ACVR2B: variants seen among roughly 807,000 people sequenced by gnomAD.
The protein encoded by ACVR2B is activin A receptor type 2B.
Under a neutral mutation model 65.1 loss-of-function variants are expected in ACVR2B, and 18 were observed. The ratio of observed to expected loss-of-function variants is 0.28; its 90% confidence interval spans 0.19 to 0.41. ACVR2B has a LOEUF of 0.41. Among genes scored for constraint, ACVR2B ranks in the 10% least tolerant of loss-of-function variants. ACVR2B has a pLI of 1.00. For missense variants in ACVR2B, 482 were observed against 682.7 expected (o/e 0.71, Z 3.28); for synonymous variants, 298 against 277.7 (o/e 1.07, Z -0.73).
At chr3:38,461,424 C>T (rs190791017) in intron 1 of ACVR2B, among the ~76,000 whole-genome samples, 4 of 152,292 alleles carry the variant, frequency 2.6e-5, no homozygotes, top group Admixed American at 6.5e-5. Flanking sequence ...AATCAAGGCT[C>T]ATCTGCTCTG....
chr3:38,463,563 T>C (rs1012631708), intron 1 of ACVR2B, among the ~76,000 whole-genome samples: 5 of 152,170 alleles, frequency 3.3e-5, no homozygotes, highest in African/African-American at 1.2e-4. Flanking sequence ...TCACCAAAGC[T>C]GTTGCTTCCC....
intron 1 of ACVR2B, among the ~76,000 whole-genome samples, chr3:38,463,613 T>C (rs1283978422): frequency 6.6e-6 from 1 of 152,208 alleles, no homozygotes; most frequent in Non-Finnish European, 1.5e-5. Flanking sequence ...TTTACTGTTA[T>C]GTTGGGATTC....
At chr3:38,461,133 C>T (rs959513277) in intron 1 of ACVR2B, among the ~76,000 whole-genome samples, 4 of 152,174 alleles carry the variant, frequency 2.6e-5, no homozygotes, top group Non-Finnish European at 1.5e-5. Flanking sequence ...TGCAGTGGCG[C>T]ACAGTGTTTT....
intron 1 of ACVR2B, among the ~76,000 whole-genome samples, chr3:38,461,857 A>G (rs770684456): frequency 3.3e-5 from 5 of 152,186 alleles, no homozygotes; most frequent in Non-Finnish European, 5.9e-5. Flanking sequence ...GTATTCTTCC[A>G]GACATTTTTA....
At chr3:38,458,498 G>C (rs1330112537) in intron 1 of ACVR2B, among the ~76,000 whole-genome samples, 2 of 152,184 alleles carry the variant, frequency 1.3e-5, no homozygotes, top group African/African-American at 4.8e-5. Context: ...TGTTCTGCGG[G>C]GGAGGGGTGC....
rs1356839655 is a variant in ACVR2B, at chr3:38,491,040, C to G, written c.*7708C>G. The stretch of plus-strand genomic sequence containing the variant: ...CAGTCGCTAATGCTCAAATGTAGAA[C>G]ATTCCTTTAAATGGCAGGATAAAAA... On this transcript the variant is annotated 3_prime_UTR_variant, in exon 11 of 11. Transcript: ENST00000352511. The G allele has an allele frequency of 6.6e-6, 1 of 151,072 alleles. No homozygotes were observed. The highest frequency in any genetic ancestry group is 1.5e-5 in the Non-Finnish European group (1 of 68,052). 9.4% of individuals were successfully genotyped at this position (151,072 alleles called of 1,614,324 possible).
intron 5 of ACVR2B, among the ~76,000 whole-genome samples, chr3:38,478,911 A>G (rs1709963258): frequency 1.3e-5 from 2 of 151,072 alleles, no homozygotes; most frequent in African/African-American, 2.4e-5. Flanking sequence ...AAGTGATCTC[A>G]GGGATCACTG....
rs560616298 is a variant in ACVR2B, at chr3:38,482,708, G to A, written c.1344+148G>A. ...TCTAGGGATGTGTTCCAGGGGTTAT[G>A]GGGAGTGAGGTAGGATGATGTCCTT... On this transcript the variant is annotated intron_variant, in intron 10 of 10. Transcript: ENST00000352511. The A allele has an allele frequency of 3.5e-5, 42 of 1,192,076 alleles. No homozygotes were observed. In the South Asian group the frequency reaches 5.7e-4, roughly 16 times the overall value. 73.8% of individuals were successfully genotyped at this position (1,192,076 alleles called of 1,614,324 possible). A position where few individuals can be genotyped will look rare whatever the true frequency, so the allele number is the denominator to read the frequency against.
At chr3:38,457,977 G>T (rs888558607) in intron 1 of ACVR2B, among the ~76,000 whole-genome samples, 1 of 152,162 alleles carries the variant, frequency 6.6e-6, no homozygotes, top group African/African-American at 2.4e-5. Flanking sequence ...TCGAGGCTCT[G>T]CCCTGTCTGG....
At position 38,477,920 on chromosome 3, in the gene ACVR2B, A is replaced by G; in HGVS notation, c.320A>G (p.Asn107Ser). 6.2e-7 allele frequency: 1 copy of G among 1,614,062 alleles called. No individual in the cohort carries two copies. Among genetic ancestry groups the G allele is most frequent in the South Asian group, 1.1e-5 (1 of 91,076 alleles). The change falls in exon 3 of 11, where the codon AAC becomes AGC. Residue 107 changes from asparagine to serine, a missense_variant. Transcript: ENST00000352511. This position sits in a 1 kb window ranked among gnomAD's most constrained non-coding sequence, Gnocchi z 6.7. ...PQVYFCCCEG[N>S]FCNERFTHLP... Reference sequence around the variant, plus strand: ...GTGTACTTCTGCTGCTGTGAAGGCAACTTCTGCAACGAACGCTTCACTCAT... The same window carrying G: ...GTGTACTTCTGCTGCTGTGAAGGCAGCTTCTGCAACGAACGCTTCACTCAT...
At position 38,454,285 on chromosome 3, in the gene ACVR2B, CG is replaced by C. The variant is rs1709502145; in HGVS notation, c.-37del. On this transcript the variant is annotated 5_prime_UTR_variant, in exon 1 of 11. Transcript: ENST00000352511. ...CCCGGGAGCGCCGTGCGGCCCTGCC[CG>C]CGGGCTCCGGGTGTGCGCGGGGCGG... 11 of 1,242,034 alleles carry C rather than the reference CG, an allele frequency of 8.9e-6. No individual in the cohort carries two copies. Among genetic ancestry groups the C allele is most frequent in the Non-Finnish European group, 9.0e-6 (9 of 994,634 alleles). The allele number at this position is 1,242,034 out of a possible 1,614,324, so 76.9% of individuals were successfully genotyped here. A position where few individuals can be genotyped will look rare whatever the true frequency, so the allele number is the denominator to read the frequency against.
intron 10 of ACVR2B, among the ~76,000 whole-genome samples, chr3:38,482,773 C>T (rs546437623): frequency 6.6e-6 from 1 of 152,226 alleles, no homozygotes; most frequent in East Asian, 1.9e-4. Flanking sequence ...ACATTTTGGG[C>T]ACTTGTATGG....
chr3:38,479,638 C>G (rs778651232), intron 6 of ACVR2B, 40 bp from the exon 7 acceptor site: 1 of 1,612,736 alleles, frequency 6.2e-7, no homozygotes, highest in East Asian at 2.2e-5. Flanking sequence ...CTGTCCTGTA[C>G]CCAGAATCTG....
In ACVR2B at chr3:38,488,787, T is replaced by C. The variant is rs2125731225; in HGVS notation, c.*5455T>C. ...TTTTCCTCAGTAATTGAAACACATATTCTCTAAATGCCAATGTGTGGTGAT... is the reference window on the plus strand; with the variant it reads ...TTTTCCTCAGTAATTGAAACACATACTCTCTAAATGCCAATGTGTGGTGAT... On this transcript the variant is annotated 3_prime_UTR_variant, in exon 11 of 11. Transcript: ENST00000352511. 6.6e-6 allele frequency: 1 copy of C among 152,312 alleles called. No individual in the cohort carries two copies. The highest frequency in any genetic ancestry group is 6.5e-5 in the Admixed American group (1 of 15,300). 9.4% of individuals were successfully genotyped at this position (152,312 alleles called of 1,614,324 possible).
chr3:38,483,049 G>A lies in ACVR2B; in HGVS notation c.1345-89G>A. On this transcript the variant is annotated intron_variant, in intron 10 of 10. Transcript: ENST00000352511. The surrounding 1 kb of genome is among the most constrained non-coding windows in gnomAD (Gnocchi z 4.8). ...GGCTGGTGGGCTCTGCCTGATCCTT[G>A]GGAATATCAAGTTTACTGTCCCCCA... 1.4e-6 allele frequency: 2 copies of A among 1,479,428 alleles called. No homozygotes were observed. The highest frequency in any genetic ancestry group is 1.9e-6 in the Non-Finnish European group (2 of 1,060,052). 91.6% of individuals were successfully genotyped at this position (1,479,428 alleles called of 1,614,324 possible). A position where few individuals can be genotyped will look rare whatever the true frequency, so the allele number is the denominator to read the frequency against.
rs907630338 is a variant in ACVR2B at position 38,486,762 on chromosome 3, C to T, written c.*3430C>T. ...GCAGGCTCCTGGCTGTAGGGATGGG[C>T]CTTGGGGAAGAATCTTCTTTGAAAG... is the stretch of plus-strand genomic sequence containing the variant. On this transcript the variant is annotated 3_prime_UTR_variant, in exon 11 of 11. Coordinates refer to ENST00000352511, the MANE Select transcript of ACVR2B (RefSeq NM_001106.4). 6.6e-6 allele frequency: 1 copy of T among 152,144 alleles called. No homozygotes were observed. The highest frequency in any genetic ancestry group is 2.4e-5 in the African/African-American group (1 of 41,424). The allele number at this position is 152,144 out of a possible 1,614,324, so 9.4% of individuals were successfully genotyped here.
intron 1 of ACVR2B, among the ~76,000 whole-genome samples, chr3:38,468,316 A>C (rs141584582): frequency 1.1e-3 from 173 of 152,178 alleles, no homozygotes; most frequent in Non-Finnish European, 2.3e-3. Context: ...CCCCTGAGAA[A>C]TATCTTCTGT....
In ACVR2B at chr3:38,491,669, C is replaced by T. The variant is rs1230361436; in HGVS notation, c.*8337C>T. 6.6e-6 allele frequency: 1 copy of T among 152,106 alleles called. No homozygotes were observed. The highest frequency in any genetic ancestry group is 1.9e-4 in the East Asian group (1 of 5,196). The allele number at this position is 152,106 out of a possible 1,614,324, so 9.4% of individuals were successfully genotyped here. On this transcript the variant is annotated 3_prime_UTR_variant, in exon 11 of 11. Transcript: ENST00000352511. ...GTCATCATGAAAGGCCGACTGGGAG[C>T]AAGTGATTATTAGAGATTCTTCAGG...
At chr3:38,466,888 A>T (rs1282995336) in intron 1 of ACVR2B, among the ~76,000 whole-genome samples, 1 of 152,230 alleles carries the variant, frequency 6.6e-6, no homozygotes, top group African/African-American at 2.4e-5. Flanking sequence ...AATGTCAGAG[A>T]TGAAGAGAGG....
Sources: allele counts gnomAD v4.1 joint callset (sites outside exome capture counted in the v4.1 genomes callset), GRCh38; gene constraint gnomAD v4.1.1; non-coding constraint Gnocchi (gnomAD v3.1); transcripts MANE v1.5; gene names NCBI Gene and HGNC (gene_info 2026-07-23, HGNC 2026-07-21).